The following ADAM19 variants were observed in gnomAD, a reference collection of about 807,000 sequenced individuals.
The protein encoded by ADAM19 is disintegrin and metalloproteinase domain-containing protein 19.
Under a neutral mutation model 114.7 loss-of-function variants are expected in ADAM19, and 65 were observed. The observed-to-expected ratio is 0.57, with a 90% CI of 0.46 to 0.70. The LOEUF is 0.70. ADAM19 is among the 30% of genes least tolerant of loss of function. The pLI is 0.00. For missense variants in ADAM19, 1,063 were observed against 1,204.7 expected (o/e 0.88, Z 1.74); for synonymous variants, 466 against 460.5 (o/e 1.01, Z -0.15).
In ADAM19 at chr5:157,477,951, G is replaced by T. The variant is rs1207282380; in HGVS notation, c.*2998C>A. On this transcript the variant is annotated 3_prime_UTR_variant, in exon 23 of 23. Coordinates refer to ENST00000257527, the MANE Select transcript of ADAM19 (RefSeq NM_033274.5). Reference sequence around the variant, plus strand: ...CAGAAAAAGGCTTTACTTTTATAGGGAGAAGTCAGCAAGGCTGAAAGGAAT... The same window carrying T: ...CAGAAAAAGGCTTTACTTTTATAGGTAGAAGTCAGCAAGGCTGAAAGGAAT... The T allele has an allele frequency of 1.9e-5, 6 of 319,588 alleles. No homozygotes were observed. The highest frequency in any genetic ancestry group is 1.3e-4 in the African/African-American group (6 of 46,268). 19.8% of individuals were successfully genotyped at this position (319,588 alleles called of 1,614,324 possible). A position where few individuals can be genotyped will look rare whatever the true frequency, so the allele number is the denominator to read the frequency against.
chr5:157,563,105 A>C (rs7707248), intron 3 of ADAM19, among the ~76,000 whole-genome samples: 50,635 of 151,964 alleles, frequency 0.33, 9,722 homozygotes, highest in African/African-American at 0.51. Context: ...AAAGGAAGAC[A>C]ATGCAAGGAA....
Position 157,480,423 on chromosome 5 carries a change from C to T in ADAM19, c.*526G>A. ...CCAGAAGCCGTTCCCTCAACCAAGC[C>T]CTGGGCAGGGCCACAGCAGTGGCTG... On this transcript the variant is annotated 3_prime_UTR_variant, in exon 23 of 23. Coordinates refer to ENST00000257527, the MANE Select transcript of ADAM19 (RefSeq NM_033274.5). The T allele has an allele frequency of 1.0e-5, 10 of 989,570 alleles. No homozygotes were observed. The highest frequency in any genetic ancestry group is 1.2e-5 in the Non-Finnish European group (10 of 832,694). The allele number at this position is 989,570 out of a possible 1,614,324, so 61.3% of individuals were successfully genotyped here.
chr5:157,553,260 T>C (rs998939224), intron 3 of ADAM19, among the ~76,000 whole-genome samples: 2 of 152,212 alleles, frequency 1.3e-5, no homozygotes, highest in African/African-American at 4.8e-5. Flanking sequence ...TTATTTCACA[T>C]TGCATGTTTG....
chr5:157,569,802 A>G (rs1287829991), intron 2 of ADAM19, among the ~76,000 whole-genome samples: 1 of 152,172 alleles, frequency 6.6e-6, no homozygotes, highest in African/African-American at 2.4e-5. Flanking sequence ...AGATCTTAGA[A>G]AAAACCCCTC....
intron 11 of ADAM19, among the ~76,000 whole-genome samples, chr5:157,504,280 G>A (rs370437774): frequency 2.2e-4 from 33 of 152,132 alleles, no homozygotes; most frequent in Admixed American, 9.2e-4. Flanking sequence ...GTCTTGCTCC[G>A]TTGCCCAGGC....
At chr5:157,519,295 G>T (rs1440079869) in intron 6 of ADAM19, among the ~76,000 whole-genome samples, 3 of 152,096 alleles carry the variant, frequency 2.0e-5, no homozygotes, top group African/African-American at 4.8e-5. Context: ...ACTCCAATAG[G>T]GAAAGCATAC....
At chr5:157,534,130 C>A in intron 4 of ADAM19, among the ~76,000 whole-genome samples, 1 of 152,240 alleles carries the variant, frequency 6.6e-6, no homozygotes, top group South Asian at 2.1e-4. Flanking sequence ...AGAGCTTTCA[C>A]ATACACTATC....
At chr5:157,558,388 T>C (rs920079044) in intron 3 of ADAM19, among the ~76,000 whole-genome samples, 2 of 152,218 alleles carry the variant, frequency 1.3e-5, no homozygotes, top group Non-Finnish European at 2.9e-5. Context: ...TTTTGAATAC[T>C]TTAGATCTGC....
intron 4 of ADAM19, among the ~76,000 whole-genome samples, chr5:157,536,641 C>A (rs1489300708): frequency 1.3e-5 from 2 of 152,122 alleles, no homozygotes; most frequent in South Asian, 4.1e-4. Flanking sequence ...CACACACACA[C>A]ACAAAATTAC....
At chr5:157,481,408 G>A (rs534562372) in intron 22 of ADAM19, 6 of 612,686 alleles carry the variant, frequency 9.8e-6, no homozygotes, top group East Asian at 2.8e-5. Context: ...ACAGCCTCCC[G>A]CAGGCCAGGT....
At chr5:157,500,166 A>G (rs1755515369) in intron 12 of ADAM19, among the ~76,000 whole-genome samples, 1 of 152,130 alleles carries the variant, frequency 6.6e-6, no homozygotes, top group Admixed American at 6.5e-5. Flanking sequence ...ATGCACAATC[A>G]TTAGTAACAT....
intron 3 of ADAM19, among the ~76,000 whole-genome samples, chr5:157,551,412 C>CA (rs58612508): frequency 0.62 from 72,197 of 116,914 alleles, 22,507 homozygotes; most frequent in East Asian, 0.71. Context: ...CCCCCAACCC[C>CA]AAAAAAAAAA....
rs1034105738 is a variant in ADAM19 at position 157,478,396 on chromosome 5, C to G, written c.*2553G>C. 1 of 193,128 alleles carries G rather than the reference C, an allele frequency of 5.2e-6. No homozygotes were observed. Among genetic ancestry groups the G allele is most frequent in the Non-Finnish European group, 9.5e-6 (1 of 105,788 alleles). 12.0% of individuals were successfully genotyped at this position (193,128 alleles called of 1,614,324 possible). On this transcript the variant is annotated 3_prime_UTR_variant, in exon 23 of 23. Coordinates refer to ENST00000257527, the MANE Select transcript of ADAM19 (RefSeq NM_033274.5). ...CAATAAAAGAAAAGTCCTTTTCTGC[C>G]TGGGCTTTGAGACGCTTGCAGATCT...
chr5:157,497,129 C>G (rs766048762), intron 13 of ADAM19, 40 bp from the exon 14 acceptor site: 1 of 1,450,858 alleles, frequency 6.9e-7, no homozygotes, highest in Non-Finnish European at 9.0e-7. Context: ...TCAATCTCCT[C>G]CCCACCCTCA....
At chr5:157,494,172 ATG>A (rs1755269253) in intron 15 of ADAM19, among the ~76,000 whole-genome samples, 9 of 151,812 alleles carry the variant, frequency 5.9e-5, no homozygotes, top group Non-Finnish European at 8.8e-5. Flanking sequence ...GGACAGATGG[ATG>A]GATGGATGGA....
At chr5:157,537,847 T>G in intron 4 of ADAM19, 66 bp downstream of exon 4, 48 of 1,439,324 alleles carry the variant, frequency 3.3e-5, no homozygotes, top group Non-Finnish European at 4.2e-5. Flanking sequence ...AGGCATCTCC[T>G]GAGGTCCTAG....
Position 157,489,140 on chromosome 5 carries a change from G to C in ADAM19, c.2287C>G (p.Pro763Ala), listed in dbSNP as rs1179987267. 1 of 1,614,154 alleles carries C rather than the reference G, an allele frequency of 6.2e-7. No homozygotes were observed. Among genetic ancestry groups the C allele is most frequent in the Admixed American group, 1.7e-5 (1 of 60,024 alleles). ...TGGGGCGTCTGCAGCTTGAAAGTTG[G>C]GTTGGCATGACCAGTCCCGCTGTTC... The part of the protein sequence containing the change: ...SQNSGTGHAN[P>A]TFKLQTPQGK... The change falls in exon 20 of 23, where the codon CCA (proline) becomes GCA (alanine). Residue 763 changes from proline to alanine, a missense_variant. Pro to Ala is a conservative substitution (Grantham distance 27, BLOSUM62 -1). Around this residue, in one of 3 missense-constraint regions of ADAM19, gnomAD observed 424 missense variants for 445.5 expected, o/e 0.95. Transcript: ENST00000257527.
At chr5:157,536,497 G>A (rs1190454952) in intron 4 of ADAM19, among the ~76,000 whole-genome samples, 1 of 152,140 alleles carries the variant, frequency 6.6e-6, no homozygotes, top group Non-Finnish European at 1.5e-5. Context: ...GTGTGGTGAT[G>A]CATGCCTGTA....
chr5:157,513,865 C>T (rs17659250), intron 7 of ADAM19, among the ~76,000 whole-genome samples: 41,408 of 152,180 alleles, frequency 0.27, 6,548 homozygotes, highest in East Asian at 0.78. Flanking sequence ...CAATCCTCAC[C>T]GTGGTCATCA....
Sources: gnomAD v4.1 joint callset for allele counts (sites outside exome capture counted in the v4.1 genomes callset) on GRCh38, gnomAD v4.1.1 for gene constraint, gnomAD v4.1.1 regional missense constraint, MANE v1.5 for transcripts, NCBI Gene and HGNC (gene_info 2026-07-23, HGNC 2026-07-21) for gene names.